Variants in LDLRAD4 observed in about 807,000 individuals in gnomAD.
LDLRAD4 encodes the protein low density lipoprotein receptor class A domain containing 4, also known as low-density lipoprotein receptor class A domain-containing protein 4.
LDLRAD4 carries 5 observed loss-of-function variants against 17.0 expected under a neutral mutation model. The ratio of observed to expected loss-of-function variants is 0.29; its 90% CI spans 0.15 to 0.62. LDLRAD4 has a LOEUF of 0.62. Ranked by LOEUF, LDLRAD4 falls within the 20% of genes least tolerant of loss-of-function variation. LDLRAD4 has a pLI of 0.84. For missense variants in LDLRAD4, 340 were observed against 424.7 expected, an observed-to-expected ratio of 0.80 and a Z score of 1.75; for synonymous variants, 168 against 171.8, an observed-to-expected ratio of 0.98 and a Z score of 0.17.
At chr18:13,468,614 C>T (rs952516222) in intron 3 of LDLRAD4, among the ~76,000 whole-genome samples, 6 of 151,892 alleles carry the variant, frequency 4.0e-5, no homozygotes, top group South Asian at 2.1e-4. Flanking sequence ...TGTCCAACAA[C>T]GATAGACTGG....
chr18:13,435,738 T>G (rs1270721570), intron 2 of LDLRAD4, among the ~76,000 whole-genome samples: 1 of 152,228 alleles, frequency 6.6e-6, no homozygotes, highest in Non-Finnish European at 1.5e-5. Flanking sequence ...TGAGTCACTG[T>G]ACCCAGCTGA....
Position 13,510,526 on chromosome 18 carries a change from A to G in LDLRAD4, c.181+72142A>G, listed in dbSNP as rs1291275861. Among the ~76,000 whole-genome samples, 11 of 148,908 alleles carry G rather than the reference A, an allele frequency of 7.4e-5. No individual in the cohort carries two copies. The East Asian group carries it at 2.2e-3, about 29-fold the overall frequency. ...TAATGGACTTTGGAGAGTTGGGGGG[A>G]ATGTTGGGAGGGGGCGAGGGGTAAA... On this transcript the variant is annotated intron_variant, in intron 3 of 5. Coordinates refer to ENST00000359446, the Ensembl canonical transcript of LDLRAD4.
At chr18:13,641,092 C>T (rs1372885456) in intron 4 of LDLRAD4, among the ~76,000 whole-genome samples, 1 of 152,112 alleles carries the variant, frequency 6.6e-6, no homozygotes. Flanking sequence ...AAAGATGAGA[C>T]AAGTCTGATG....
rs908331230 is a variant in LDLRAD4 at position 13,387,591 on chromosome 18, A to G, written c.-132A>G. 1 of 812,436 alleles carries G rather than the reference A, an allele frequency of 1.2e-6. No individual in the cohort carries two copies. Among genetic ancestry groups the G allele is most frequent in the Admixed American group, 1.9e-5 (1 of 51,500 alleles). 50.3% of individuals were successfully genotyped at this position (812,436 alleles called of 1,614,324 possible). On this transcript the variant is annotated 5_prime_UTR_variant, in exon 2 of 6. An upstream start codon of the reference 5' UTR is lost. Transcript: ENST00000359446. ...CGAGAGCCGGGCAGGTGGGCCGCGG[A>G]TGCTCCCAGAGGCCGGCCCAGCAGA...
chr18:13,448,509 C>T (rs1482100088), intron 3 of LDLRAD4, among the ~76,000 whole-genome samples: 2 of 152,130 alleles, frequency 1.3e-5, no homozygotes, highest in Non-Finnish European at 2.9e-5. Flanking sequence ...AGTCGTGATG[C>T]TTGTCTTCCT....
chr18:13,463,784 C>T (rs2092523536), intron 3 of LDLRAD4, among the ~76,000 whole-genome samples: 1 of 152,208 alleles, frequency 6.6e-6, no homozygotes, highest in Non-Finnish European at 1.5e-5. Flanking sequence ...TAGGGAGCTG[C>T]AGCAGCTAAG....
rs777739267 is a variant in LDLRAD4 at position 13,505,819 on chromosome 18, AAAAAAC to A, written c.181+67458_181+67463del. Among the ~76,000 whole-genome samples, 66 of 150,666 alleles carry A rather than the reference AAAAAAC, an allele frequency of 4.4e-4. 1 individual carries two copies. The highest frequency in any genetic ancestry group is 1.1e-3 in the African/African-American group (45 of 40,206). ...GGCGACAGAGCAAGACTCTGTCTCA[AAAAAAC>A]AAAAACAAAAACAAAAACAAAACAC... On this transcript the variant is annotated intron_variant, in intron 3 of 5. Coordinates refer to ENST00000359446, the Ensembl canonical transcript of LDLRAD4.
intron 1 of LDLRAD4, among the ~76,000 whole-genome samples, chr18:13,342,169 C>A (rs1370732176): frequency 6.6e-6 from 1 of 151,982 alleles, no homozygotes. Flanking sequence ...TATTAATATT[C>A]ATAAGAAATA....
intron 3 of LDLRAD4, among the ~76,000 whole-genome samples, chr18:13,449,536 G>T (rs569160178): frequency 1.4e-4 from 21 of 152,232 alleles, no homozygotes; most frequent in Non-Finnish European, 2.5e-4. Flanking sequence ...TGGGAGAGGA[G>T]AATCTCAGAT....
intron 4 of LDLRAD4, among the ~76,000 whole-genome samples, chr18:13,629,206 TC>T (rs2041443939): frequency 6.6e-6 from 1 of 152,250 alleles, no homozygotes; most frequent in South Asian, 2.1e-4. Flanking sequence ...TGGCAAATCT[TC>T]CTTTGCAAAG....
At chr18:13,262,729 T>C (rs1260283163) in intron 1 of LDLRAD4, among the ~76,000 whole-genome samples, 3 of 77,588 alleles carry the variant, frequency 3.9e-5, no homozygotes, top group South Asian at 5.6e-4. Context: ...CCCGTGCGGC[T>C]CCGTGCGTTG....
In LDLRAD4 at chr18:13,621,337, G is replaced by T. The variant is rs1364677907; in HGVS notation, c.336+66G>T. The T allele has an allele frequency of 3.8e-6, 5 of 1,316,844 alleles. No homozygotes were observed. Among genetic ancestry groups the T allele is most frequent in the South Asian group, 3.5e-5 (3 of 84,790 alleles). 81.6% of individuals were successfully genotyped at this position (1,316,844 alleles called of 1,614,324 possible). ...GCAAGAGGCTTAGGAGCCCATCAGG[G>T]TTCAGAGGCCGGGAGTGCTTTCAGT... On this transcript the variant is annotated intron_variant, in intron 4 of 5. Transcript: ENST00000359446. This position sits in a 1 kb window ranked among gnomAD's most constrained non-coding sequence, Gnocchi z 5.5.
chr18:13,380,740 T>A (rs1369579242), intron 1 of LDLRAD4, among the ~76,000 whole-genome samples: 1 of 152,230 alleles, frequency 6.6e-6, no homozygotes, highest in East Asian at 1.9e-4. Flanking sequence ...CCTGTGTGTG[T>A]CTTTGAATCG....
Position 13,367,729 on chromosome 18 carries a change from G to C in LDLRAD4, c.-382-19612G>C, listed in dbSNP as rs543074952. On this transcript the variant is annotated intron_variant, in intron 1 of 5. Transcript: ENST00000359446. The surrounding 1 kb of genome is among the most constrained non-coding windows in gnomAD (Gnocchi z 4.1). ...TCAAGGGATATACCGAGAGGAGACAGCCGAGCCCGGGGGGCATGCACTGTC... is the reference window on the plus strand; with the variant it reads ...TCAAGGGATATACCGAGAGGAGACACCCGAGCCCGGGGGGCATGCACTGTC... Among the ~76,000 whole-genome samples, 2 of 152,036 alleles carry C rather than the reference G, an allele frequency of 1.3e-5. No individual in the cohort carries two copies. Among genetic ancestry groups the C allele is most frequent in the South Asian group, 2.1e-4 (1 of 4,796 alleles).
chr18:13,405,795 A>C (rs1238623604), intron 2 of LDLRAD4, among the ~76,000 whole-genome samples: 4 of 151,988 alleles, frequency 2.6e-5, no homozygotes, highest in Admixed American at 1.3e-4. Flanking sequence ...TGGACTGTTG[A>C]GCTCTGGCGT....
chr18:13,394,338 G>A (rs968900299), intron 2 of LDLRAD4, among the ~76,000 whole-genome samples: 1 of 152,006 alleles, frequency 6.6e-6, no homozygotes, highest in African/African-American at 2.4e-5. Context: ...GAGGCATCGT[G>A]GTAGTCTCAT....
At chr18:13,447,105 T>A (rs576444254) in intron 3 of LDLRAD4, among the ~76,000 whole-genome samples, 64 of 152,322 alleles carry the variant, frequency 4.2e-4, no homozygotes, top group African/African-American at 1.5e-3. Context: ...GCAGCCTGTG[T>A]GCTTTGGACA....
At chr18:13,262,330 CCGTGCGGCTCTGTGCG>C (rs2043900373) in intron 1 of LDLRAD4, among the ~76,000 whole-genome samples, 2 of 132,726 alleles carry the variant, frequency 1.5e-5, no homozygotes, top group African/African-American at 6.5e-5. Context: ...AAACTGAGTC[CCGTGCGGCTCTGTGCG>C]TGGGGGCTGA....
intron 1 of LDLRAD4, among the ~76,000 whole-genome samples, chr18:13,249,905 A>AT (rs1424601946): frequency 6.6e-6 from 1 of 152,152 alleles, no homozygotes; most frequent in African/African-American, 2.4e-5. Flanking sequence ...TCTTTGATGC[A>AT]TTTTGAGTTG....
Sources: allele counts gnomAD v4.1 joint callset (sites outside exome capture counted in the v4.1 genomes callset), GRCh38; gene constraint gnomAD v4.1.1; non-coding constraint Gnocchi (gnomAD v3.1); transcripts MANE v1.5; gene names NCBI Gene and HGNC (gene_info 2026-07-23, HGNC 2026-07-21).